Variants in HTR2C observed in about 807,000 individuals in gnomAD.
HTR2C encodes the protein 5-hydroxytryptamine receptor 2C, also known as 5-hydroxytryptamine (serotonin) receptor 2C, G protein-coupled.
HTR2C carries 5 observed loss-of-function variants against 21.0 expected under a neutral mutation model. That is an observed-to-expected ratio of 0.24 (90% CI 0.12 to 0.50). The LOEUF is 0.50. HTR2C is among the 20% of genes least tolerant of loss of function. HTR2C has a pLI of 0.98. For missense variants in HTR2C, 271 were observed against 371.2 expected, an observed-to-expected ratio of 0.73 and a Z score of 2.22; for synonymous variants, 150 against 145.3, an observed-to-expected ratio of 1.03 and a Z score of -0.23.
In HTR2C at chrX:114,725,661, C is replaced by T. The variant is rs782775916; in HGVS notation, c.-79-1197C>T. Among the ~76,000 whole-genome samples the T allele has an allele frequency of 2.7e-5, 3 of 110,849 alleles. No individual in the cohort carries two copies. The South Asian group carries it at 1.2e-3, about 43-fold the overall frequency. On this transcript the variant is annotated intron_variant, in intron 2 of 5. Coordinates refer to ENST00000276198, the MANE Select transcript of HTR2C (RefSeq NM_000868.4). ...CTTTGTGGTTTTATCTACTTTTGGT[C>T]TTTGATGATGGTGATGTACAGATGG...
chrX:114,760,692 T>A (rs886186783), intron 4 of HTR2C, among the ~76,000 whole-genome samples: 5 of 110,353 alleles, frequency 4.5e-5, no homozygotes, highest in Non-Finnish European at 7.6e-5. Context: ...AATTTTTTTT[T>A]ATTATTTATT....
At chrX:114,878,361 C>T (rs1263403906) in intron 5 of HTR2C, among the ~76,000 whole-genome samples, 1 of 110,083 alleles carries the variant, frequency 9.1e-6, no homozygotes, top group African/African-American at 3.3e-5. Flanking sequence ...AATAGGAAAT[C>T]AATATTGTGA....
At chrX:114,607,085 G>C (rs1222408876) in intron 1 of HTR2C, among the ~76,000 whole-genome samples, 1 of 109,118 alleles carries the variant, frequency 9.2e-6, no homozygotes, top group Non-Finnish European at 1.9e-5. Context: ...GGCAAGGACC[G>C]GCCATTTACA....
chrX:114,803,583 GT>G (rs1218600518), intron 4 of HTR2C, among the ~76,000 whole-genome samples: 2 of 103,662 alleles, frequency 1.9e-5, no homozygotes, highest in Admixed American at 1.1e-4. Context: ...GGGGTTGTTT[GT>G]TTTTTTCTTG....
chrX:114,643,847 A>G (rs1930228027), intron 2 of HTR2C, among the ~76,000 whole-genome samples: 1 of 111,824 alleles, frequency 8.9e-6, no homozygotes, highest in South Asian at 3.7e-4. Context: ...TGTATAAGGT[A>G]TAAAGAAGAC....
In HTR2C at chrX:114,841,261, A is replaced by G. The variant is rs1371404701; in HGVS notation, c.350-6742A>G. Among the ~76,000 whole-genome samples, 5 of 112,288 alleles carry G rather than the reference A, an allele frequency of 4.5e-5. No homozygotes were observed. The Admixed American group carries it at 4.7e-4, about 11-fold the overall frequency. On this transcript the variant is annotated intron_variant, in intron 4 of 5. Coordinates refer to ENST00000276198, the MANE Select transcript of HTR2C (RefSeq NM_000868.4). Reference sequence around the variant, plus strand: ...ACTCCAGCAGACTAGAATATGACACATCGTAAAACAATTCACCAACAGCAG... The same window carrying G: ...ACTCCAGCAGACTAGAATATGACACGTCGTAAAACAATTCACCAACAGCAG...
chrX:114,779,845 T>C (rs2070098521), intron 4 of HTR2C, among the ~76,000 whole-genome samples: 1 of 111,531 alleles, frequency 9.0e-6, no homozygotes, highest in Non-Finnish European at 1.9e-5. Flanking sequence ...TGTAAGATGA[T>C]AGACTAGGTT....
intron 4 of HTR2C, among the ~76,000 whole-genome samples, chrX:114,734,121 C>T (rs1194236356): frequency 3.6e-5 from 4 of 110,990 alleles, no homozygotes; most frequent in African/African-American, 1.3e-4. Flanking sequence ...AAGAAAAATA[C>T]ATCATATCAG....
intron 5 of HTR2C, among the ~76,000 whole-genome samples, chrX:114,891,849 T>A (rs967132890): frequency 9.0e-5 from 10 of 111,285 alleles, no homozygotes; most frequent in Non-Finnish European, 5.7e-5. Context: ...TTCCTAGTTT[T>A]CAGAGAATTT....
chrX:114,625,259 T>G, intron 2 of HTR2C, among the ~76,000 whole-genome samples: 1 of 109,922 alleles, frequency 9.1e-6, no homozygotes. Context: ...TTTTCTAAAA[T>G]ATTCTCTACT....
chrX:114,684,391 T>C (rs1327243288), intron 2 of HTR2C, among the ~76,000 whole-genome samples: 1 of 112,115 alleles, frequency 8.9e-6, no homozygotes, highest in Non-Finnish European at 1.9e-5. Flanking sequence ...AAGCTTATAC[T>C]TATTTTAAAA....
intron 5 of HTR2C, among the ~76,000 whole-genome samples, chrX:114,896,960 C>T (rs1430037598): frequency 1.8e-5 from 2 of 111,131 alleles, no homozygotes; most frequent in African/African-American, 6.5e-5. Context: ...TACCAAATAC[C>T]TTTAGCATTG....
At chrX:114,732,084 C>T (rs1433003370) in intron 4 of HTR2C, among the ~76,000 whole-genome samples, 3 of 111,734 alleles carry the variant, frequency 2.7e-5, no homozygotes, top group African/African-American at 9.8e-5. Flanking sequence ...AGCTATTCTT[C>T]TTGTTCATGG....
intron 5 of HTR2C, among the ~76,000 whole-genome samples, chrX:114,878,980 T>G (rs1447887290): frequency 9.0e-6 from 1 of 110,963 alleles, no homozygotes; most frequent in African/African-American, 3.3e-5. Context: ...ATAAAATGTA[T>G]AAATGTTAAC....
intron 1 of HTR2C, among the ~76,000 whole-genome samples, chrX:114,606,194 A>T (rs1481079250): frequency 9.0e-6 from 1 of 110,816 alleles, no homozygotes; most frequent in Non-Finnish European, 1.9e-5. Flanking sequence ...GGGTTGGGGT[A>T]CTTAACCCTC....
chrX:114,699,828 G>C (rs1352031410), intron 2 of HTR2C, among the ~76,000 whole-genome samples: 1 of 112,227 alleles, frequency 8.9e-6, no homozygotes, highest in Non-Finnish European at 1.9e-5. Flanking sequence ...GAAATATCAA[G>C]CTGCTAGGCA....
intron 4 of HTR2C, among the ~76,000 whole-genome samples, chrX:114,806,893 CAT>C (rs1252060969): frequency 1.0e-5 from 1 of 96,317 alleles, no homozygotes; most frequent in African/African-American, 3.8e-5. Flanking sequence ...ATATATATAC[CAT>C]ATATACACAC....
intron 1 of HTR2C, among the ~76,000 whole-genome samples, chrX:114,595,495 T>C (rs1192993604): frequency 1.8e-5 from 2 of 110,280 alleles, no homozygotes; most frequent in African/African-American, 6.6e-5. Flanking sequence ...AGTGCTGGGA[T>C]TGCAAGCACG....
At chrX:114,838,729 A>G (rs1471469965) in intron 4 of HTR2C, among the ~76,000 whole-genome samples, 1 of 112,446 alleles carries the variant, frequency 8.9e-6, no homozygotes, top group Non-Finnish European at 1.9e-5. Context: ...AGTGTGCTAT[A>G]GCCTCTTGGC....
Sources: allele counts gnomAD v4.1 joint callset (sites outside exome capture counted in the v4.1 genomes callset), GRCh38; gene constraint gnomAD v4.1.1; transcripts MANE v1.5; gene names NCBI Gene and HGNC (gene_info 2026-07-23, HGNC 2026-07-21).